Variants in CA6 observed in about 807,000 individuals in gnomAD.
CA6 encodes the protein carbonic anhydrase 6, also known as carbonate dehydratase VI.
CA6 carries 28 observed loss-of-function variants against 35.9 expected under a neutral mutation model. That is an observed-to-expected ratio of 0.78 (90% confidence interval 0.58 to 1.07). The LOEUF (loss-of-function observed/expected upper bound fraction) is 1.07. Among genes scored for constraint, CA6 ranks in the 50% least tolerant of loss-of-function variants. CA6 has a pLI of 0.00. For missense variants in CA6, 377 were observed against 382.0 expected, an observed-to-expected ratio of 0.99 and a Z score of 0.11; for synonymous variants, 148 against 152.6, an observed-to-expected ratio of 0.97 and a Z score of 0.22.
intron 6 of CA6, 42 bp downstream of exon 6, chr1:8,967,858 T>C: frequency 6.3e-7 from 1 of 1,590,978 alleles, no homozygotes; most frequent in Non-Finnish European, 8.6e-7. Flanking sequence ...CCCATTCGAT[T>C]GCCTGGTTAA....
intron 4 of CA6, among the ~76,000 whole-genome samples, chr1:8,962,306 G>A (rs1387346193): frequency 6.6e-6 from 1 of 151,458 alleles, no homozygotes; most frequent in Non-Finnish European, 1.5e-5. Context: ...TAGAGTAAGA[G>A]TTGGCCATTT....
At chr1:8,967,274 G>T (rs1320443952) in intron 5 of CA6, among the ~76,000 whole-genome samples, 1 of 152,170 alleles carries the variant, frequency 6.6e-6, no homozygotes, top group East Asian at 1.9e-4. Flanking sequence ...GCCTAGCCAT[G>T]ATAATGGTGA....
At chr1:8,971,844 C>G (rs12138897) in intron 7 of CA6, among the ~76,000 whole-genome samples, 92,393 of 152,112 alleles carry the variant, frequency 0.61, 30,574 homozygotes, top group African/African-American at 0.86. Context: ...AGGCTCCAAC[C>G]GTGTCCTTGG....
chr1:8,951,630 G>A (rs1639538503), intron 2 of CA6: 3 of 765,182 alleles, frequency 3.9e-6, no homozygotes, highest in Non-Finnish European at 7.2e-6. Flanking sequence ...GAAGAGAAGA[G>A]CCCAGCTTCC....
At chr1:8,967,405 G>A (rs1406951310) in intron 5 of CA6, among the ~76,000 whole-genome samples, 2 of 152,230 alleles carry the variant, frequency 1.3e-5, no homozygotes, top group African/African-American at 4.8e-5. Context: ...CTACAGATGA[G>A]AAAATGGCCG....
intron 2 of CA6, among the ~76,000 whole-genome samples, chr1:8,950,423 G>A (rs1173932976): frequency 6.6e-6 from 1 of 152,068 alleles, no homozygotes; most frequent in East Asian, 1.9e-4. Context: ...GGAGGTCGAG[G>A]GACTCACCCA....
chr1:8,961,187 T>C (rs1473658436), intron 4 of CA6, among the ~76,000 whole-genome samples: 1 of 152,118 alleles, frequency 6.6e-6, no homozygotes, highest in Non-Finnish European at 1.5e-5. Context: ...ATCTTACAAG[T>C]CATATATAAG....
intron 2 of CA6, among the ~76,000 whole-genome samples, chr1:8,954,307 G>T (rs992142229): frequency 5.9e-5 from 9 of 152,006 alleles, no homozygotes; most frequent in Non-Finnish European, 5.9e-5. Flanking sequence ...TGGGTTTACA[G>T]GCATGCACCA....
At chr1:8,974,182 T>C (rs1640205037) in intron 7 of CA6, among the ~76,000 whole-genome samples, 2 of 152,278 alleles carry the variant, frequency 1.3e-5, no homozygotes, top group East Asian at 3.9e-4. Flanking sequence ...GCGTGACTCA[T>C]GGTATTTCAC....
At position 8,957,940 on chromosome 1, in the gene CA6, A is replaced by AAAAC. The variant is rs368033554; in HGVS notation, c.408+667_408+670dup. On this transcript the variant is annotated intron_variant, in intron 3 of 7. Transcript: ENST00000377443. Reference sequence around the variant, plus strand: ...GCCGCTGCACTCCAGTCTGAGCAACAAAACAAACAAACAAAAACAGCCAAA... The same window carrying AAAAC: ...GCCGCTGCACTCCAGTCTGAGCAACAAAACAAACAAACAAACAAAAACAGCCAAA... 3.9e-5 allele frequency among the ~76,000 whole-genome samples: 6 copies of AAAAC among 152,294 alleles called. No individual in the cohort carries two copies. In the East Asian group the frequency reaches 5.8e-4, roughly 15 times the overall value.
intron 2 of CA6, among the ~76,000 whole-genome samples, chr1:8,951,171 G>A (rs145626866): frequency 0.033 from 4,986 of 151,100 alleles, 281 homozygotes; most frequent in African/African-American, 0.11. Flanking sequence ...AGCCAAGATC[G>A]TGCCATTGCA....
At chr1:8,951,277 A>G in intron 2 of CA6, 1 of 577,956 alleles carries the variant, frequency 1.7e-6, no homozygotes. Context: ...TGGTGAAAGT[A>G]GCAAATTGGA....
chr1:8,955,979 CT>C (rs1305411937), intron 2 of CA6, among the ~76,000 whole-genome samples: 2 of 152,120 alleles, frequency 1.3e-5, no homozygotes, highest in African/African-American at 4.8e-5. Flanking sequence ...TCCCAGCACT[CT>C]GGGAGGCTGA....
In CA6 at chr1:8,953,540, G is replaced by A. The variant is rs147735036; in HGVS notation, c.260-3597G>A. Among the ~76,000 whole-genome samples, 204 of 152,282 alleles carry A rather than the reference G, an allele frequency of 1.3e-3. 1 individual carries two copies. Among genetic ancestry groups the A allele is most frequent in the African/African-American group, 4.6e-3 (193 of 41,564 alleles). ...AGGTTGAGGTGCGAGGCTCACTTGA[G>A]CAGCTTGGGAGGTCAAGGCTGCAGT... On this transcript the variant is annotated intron_variant, in intron 2 of 7. Transcript: ENST00000377443.
chr1:8,973,717 T>TC (rs1491284509), intron 7 of CA6, among the ~76,000 whole-genome samples: 1 of 9,456 alleles, frequency 1.1e-4, no homozygotes, highest in South Asian at 7.2e-3. Context: ...TCTCTCTTTC[T>TC]TTCTTTCTTT....
In CA6 at chr1:8,949,412, G is replaced by T. The variant is rs1295313265; in HGVS notation, c.229G>T (p.Glu77Ter). 1 of 1,613,080 alleles carries T rather than the reference G, an allele frequency of 6.2e-7. No individual in the cohort carries two copies. The highest frequency in any genetic ancestry group is 8.5e-7 in the Non-Finnish European group (1 of 1,179,566). ...NMTGYETQAG[E>*]FPMVNNGHTV... is the part of the protein sequence containing the mutation. ...GACAGGCTATGAGACCCAGGCAGGG[G>T]AGTTCCCCATGGTCAACAATGGCCA... Residue 77 changes from glutamate to a stop codon, truncating the protein, a stop_gained, in exon 2 of 8, where the codon GAG (glutamate) becomes TAG (stop). Transcript: ENST00000377443. LOFTEE classifies it high-confidence loss of function.
In CA6 at chr1:8,949,340, C is replaced by A; in HGVS notation, c.157C>A (p.Gln53Lys). The change falls in exon 2 of 8, where the codon CAG becomes AAG. Residue 53 changes from glutamine to lysine, a missense_variant. Gln to Lys is a moderately conservative substitution (Grantham distance 53, BLOSUM62 1). Coordinates refer to ENST00000377443, the MANE Select transcript of CA6 (RefSeq NM_001215.4). ...CCAGAGACAGTCGCCTATCAACCTACAGAGGACGAAGGTGCGGTACAACCC... is the reference window on the plus strand; with the variant it reads ...CCAGAGACAGTCGCCTATCAACCTAAAGAGGACGAAGGTGCGGTACAACCC... ...GGQRQSPINL[Q>K]RTKVRYNPSL... The A allele has an allele frequency of 1.2e-6, 2 of 1,613,344 alleles. No homozygotes were observed. The highest frequency in any genetic ancestry group is 8.5e-7 in the Non-Finnish European group (1 of 1,179,498).
chr1:8,966,608 A>C (rs1639974044), intron 5 of CA6, among the ~76,000 whole-genome samples: 1 of 152,166 alleles, frequency 6.6e-6, no homozygotes, highest in South Asian at 2.1e-4. Flanking sequence ...GGGCTTATGC[A>C]CTCTGAGACA....
chr1:8,974,144 G>T (rs1315799173), intron 7 of CA6, among the ~76,000 whole-genome samples: 1 of 152,080 alleles, frequency 6.6e-6, no homozygotes, highest in Non-Finnish European at 1.5e-5. Context: ...TTTCTATGTA[G>T]CAGTGATTGG....
Sources: allele counts gnomAD v4.1 joint callset (sites outside exome capture counted in the v4.1 genomes callset), GRCh38; gene constraint gnomAD v4.1.1; transcripts MANE v1.5; gene names NCBI Gene and HGNC (gene_info 2026-07-23, HGNC 2026-07-21).